Variants in KCNN3 observed in about 807,000 individuals in gnomAD.
The protein encoded by KCNN3 is small conductance calcium-activated potassium channel protein 3.
KCNN3 carries 16 observed loss-of-function variants against 62.9 expected under a neutral mutation model. The observed-to-expected ratio is 0.25, with a 90% CI of 0.17 to 0.39. The LOEUF (loss-of-function observed/expected upper bound fraction) is 0.39, where lower values mean the gene tolerates loss of function less well. Among genes scored for constraint, KCNN3 ranks in the 10% least tolerant of loss-of-function variants. The probability of loss-of-function intolerance (pLI) is 1.00; values close to 1 mark genes in which losing one functional copy is unlikely to be tolerated. For missense variants in KCNN3, 599 were observed against 949.4 expected (o/e 0.63, Z 4.85); for synonymous variants, 370 against 389.2 (o/e 0.95, Z 0.58).
intron 1 of KCNN3, among the ~76,000 whole-genome samples, chr1:154,837,584 G>A (rs1306270419): frequency 2.8e-4 from 42 of 152,174 alleles, no homozygotes; most frequent in Non-Finnish European, 4.4e-5. Flanking sequence ...GATGCTTATG[G>A]GGGAAAACCT....
At chr1:154,842,035 G>A (rs1406956533) in intron 1 of KCNN3, among the ~76,000 whole-genome samples, 1 of 152,236 alleles carries the variant, frequency 6.6e-6, no homozygotes, top group Non-Finnish European at 1.5e-5. Context: ...GAGAGGGCGA[G>A]CCCAGGGTAA....
At chr1:154,722,115 G>C (rs1244892199) in intron 5 of KCNN3, among the ~76,000 whole-genome samples, 2 of 152,044 alleles carry the variant, frequency 1.3e-5, no homozygotes, top group African/African-American at 2.4e-5. Flanking sequence ...TCATGGCAAA[G>C]GCTAGGCTGC....
chr1:154,801,540 A>G (rs937251845), intron 2 of KCNN3, among the ~76,000 whole-genome samples: 15 of 152,362 alleles, frequency 9.8e-5, no homozygotes, highest in African/African-American at 2.9e-4. Context: ...AGTTAGCCAA[A>G]AAAGTTCTTT....
intron 1 of KCNN3, among the ~76,000 whole-genome samples, chr1:154,844,919 T>C (rs1651985248): frequency 6.6e-6 from 1 of 152,004 alleles, no homozygotes; most frequent in South Asian, 2.1e-4. Context: ...GGTGGGAAGA[T>C]GGCTTGAGCC....
intron 3 of KCNN3, among the ~76,000 whole-genome samples, chr1:154,763,283 C>A (rs1382872833): frequency 6.6e-6 from 1 of 152,046 alleles, no homozygotes; most frequent in Non-Finnish European, 1.5e-5. Flanking sequence ...TAATTCCTAT[C>A]TTTGCCTTTG....
intron 3 of KCNN3, among the ~76,000 whole-genome samples, chr1:154,739,365 T>C (rs183559010): frequency 3.9e-5 from 6 of 152,356 alleles, no homozygotes; most frequent in African/African-American, 7.2e-5. Flanking sequence ...GATCTACTTG[T>C]ATGTTCTCTC....
intron 5 of KCNN3, among the ~76,000 whole-genome samples, chr1:154,719,514 A>G (rs1700301648): frequency 6.6e-6 from 1 of 152,154 alleles, no homozygotes; most frequent in Non-Finnish European, 1.5e-5. Flanking sequence ...GCTCTGTTAT[A>G]GCCTTCTGAG....
In KCNN3 at chr1:154,870,077, G is replaced by T; in HGVS notation, c.-113C>A. ...TCCAATCTCCCCCACCAGTATCTTG[G>T]CTCCAGTCCTCTCTTTGGCTTGCTT... is the stretch of plus-strand genomic sequence containing the variant. On this transcript the variant is annotated 5_prime_UTR_variant, in exon 1 of 8. Coordinates refer to ENST00000271915, the MANE Select transcript of KCNN3 (RefSeq NM_002249.6). 8.0e-7 allele frequency: 1 copy of T among 1,257,066 alleles called. No homozygotes were observed. The highest frequency in any genetic ancestry group is 1.1e-6 in the Non-Finnish European group (1 of 879,278). The allele number at this position is 1,257,066 out of a possible 1,614,324, so 77.9% of individuals were successfully genotyped here. A position where few individuals can be genotyped will look rare whatever the true frequency, so the allele number is the denominator to read the frequency against.
rs1257194063 is a variant in KCNN3 at position 154,704,249 on chromosome 1, T to C, written c.*3727A>G. ...CTGCTGAGGTCGGTCAGTGGTGACT[T>C]GGGGCCTTCCCCCCTTGTTCTTTTG... On this transcript the variant is annotated 3_prime_UTR_variant, in exon 8 of 8. Coordinates refer to ENST00000271915, the MANE Select transcript of KCNN3 (RefSeq NM_002249.6). 1 of 152,264 alleles carries C rather than the reference T, an allele frequency of 6.6e-6. No individual in the cohort carries two copies. The highest frequency in any genetic ancestry group is 1.5e-5 in the Non-Finnish European group (1 of 68,050). 9.4% of individuals were successfully genotyped at this position (152,264 alleles called of 1,614,324 possible). A position where few individuals can be genotyped will look rare whatever the true frequency, so the allele number is the denominator to read the frequency against.
Position 154,779,373 on chromosome 1 carries a change from C to T in KCNN3, c.1030-6980G>A, listed in dbSNP as rs549464137. Among the ~76,000 whole-genome samples, 92 of 152,282 alleles carry T rather than the reference C, an allele frequency of 6.0e-4. 1 individual carries two copies. In the South Asian group the frequency reaches 0.018, roughly 31 times the overall value. ...CCACAGCCCCTAGCAGGAACCCTCACCCGTCCCCACCTTCCCACTCCACTC... is the reference window on the plus strand; with the variant it reads ...CCACAGCCCCTAGCAGGAACCCTCATCCGTCCCCACCTTCCCACTCCACTC... On this transcript the variant is annotated intron_variant, in intron 2 of 7. Transcript: ENST00000271915.
chr1:154,754,320 G>C (rs569751067), intron 3 of KCNN3, among the ~76,000 whole-genome samples: 14 of 152,288 alleles, frequency 9.2e-5, no homozygotes, highest in African/African-American at 3.4e-4. Flanking sequence ...CGCAGAATAA[G>C]AACCATAGAG....
chr1:154,747,738 A>T (rs1700971281), intron 3 of KCNN3, among the ~76,000 whole-genome samples: 1 of 152,226 alleles, frequency 6.6e-6, no homozygotes, highest in Admixed American at 6.5e-5. Flanking sequence ...CTGTTGGCTG[A>T]TAGAAGAGTC....
At chr1:154,800,584 G>A (rs1183843716) in intron 2 of KCNN3, among the ~76,000 whole-genome samples, 2 of 152,124 alleles carry the variant, frequency 1.3e-5, no homozygotes, top group Non-Finnish European at 1.5e-5. Context: ...AGGAAAAGCA[G>A]ACACCACCCC....
intron 2 of KCNN3, among the ~76,000 whole-genome samples, chr1:154,787,053 C>A (rs1019331819): frequency 1.3e-5 from 2 of 152,218 alleles, no homozygotes; most frequent in African/African-American, 4.8e-5. Flanking sequence ...AAGTCTCCCC[C>A]TCCAAGGCCA....
At chr1:154,774,845 G>T (rs1648723155) in intron 2 of KCNN3, among the ~76,000 whole-genome samples, 1 of 152,270 alleles carries the variant, frequency 6.6e-6, no homozygotes, top group South Asian at 2.1e-4. Context: ...CTCCTGGCTG[G>T]GAGAGCAGGC....
Position 154,809,512 on chromosome 1 carries a change from TCCAA to T in KCNN3, c.1029+12573_1029+12576del, listed in dbSNP as rs1432349549. Among the ~76,000 whole-genome samples the T allele has an allele frequency of 6.6e-6, 1 of 152,230 alleles. No individual in the cohort carries two copies. Among genetic ancestry groups the T allele is most frequent in the East Asian group, 1.9e-4 (1 of 5,204 alleles). ...TCTTCTTTACTTCTCCTGTCTTTAG[TCCAA>T]CCAAAGAAAGTTTACCTCCCAGATT... On this transcript the variant is annotated intron_variant, in intron 2 of 7. Coordinates refer to ENST00000271915, the MANE Select transcript of KCNN3 (RefSeq NM_002249.6). This position sits in a 1 kb window ranked among gnomAD's most constrained non-coding sequence, Gnocchi z 4.3.
At chr1:154,777,180 G>C (rs1057347055) in intron 2 of KCNN3, among the ~76,000 whole-genome samples, 2 of 152,054 alleles carry the variant, frequency 1.3e-5, no homozygotes, top group African/African-American at 4.8e-5. Flanking sequence ...GGTACCTCCT[G>C]CTCTAAGAAG....
At chr1:154,780,948 G>A (rs749529085) in intron 2 of KCNN3, among the ~76,000 whole-genome samples, 4 of 152,180 alleles carry the variant, frequency 2.6e-5, no homozygotes, top group Non-Finnish European at 4.4e-5. Context: ...TGCTTAGGGC[G>A]TTGGGGTCCA....
chr1:154,853,288 C>T (rs1652378652), intron 1 of KCNN3, among the ~76,000 whole-genome samples: 1 of 151,914 alleles, frequency 6.6e-6, no homozygotes, highest in Admixed American at 6.6e-5. Context: ...CATGCCTGGC[C>T]CTAAGCACTT....
Sources: gnomAD v4.1 joint callset for allele counts (sites outside exome capture counted in the v4.1 genomes callset) on GRCh38, gnomAD v4.1.1 for gene constraint, Gnocchi (gnomAD v3.1) non-coding constraint, MANE v1.5 for transcripts, NCBI Gene and HGNC (gene_info 2026-07-23, HGNC 2026-07-21) for gene names.